Variants in CADPS2 observed in about 807,000 individuals in gnomAD.
CADPS2 encodes calcium-dependent secretion activator 2.
A neutral mutation model predicts 172.5 loss-of-function variants in CADPS2; 93 were observed. The observed-to-expected ratio is 0.54, with a 90% confidence interval of 0.46 to 0.64. The LOEUF (loss-of-function observed/expected upper bound fraction) is 0.64. CADPS2 is among the 30% of genes least tolerant of loss of function. CADPS2 has a pLI of 0.00. For synonymous variants in CADPS2, 546 were observed against 555.2 expected, an observed-to-expected ratio of 0.98 and a Z score of 0.23; for missense variants, 1,420 against 1,565.9, an observed-to-expected ratio of 0.91 and a Z score of 1.57.
Position 122,645,454 on chromosome 7 carries a change from T to A in CADPS2, c.787-16126A>T, listed in dbSNP as rs1415755854. Among the ~76,000 whole-genome samples, 12 of 100,320 alleles carry A rather than the reference T, an allele frequency of 1.2e-4. 1 individual carries two copies. Among genetic ancestry groups the A allele is most frequent in the Admixed American group, 4.2e-4 (4 of 9,632 alleles). The allele number at this position is 100,320 out of a possible 152,430, so 65.8% of individuals were successfully genotyped here. ...ATATATGTATATATACACACACATA[T>A]GTATATATGTGTATATATGTATATA... On this transcript the variant is annotated intron_variant, in intron 3 of 29. Coordinates refer to ENST00000449022, the MANE Select transcript of CADPS2 (RefSeq NM_017954.11).
At chr7:122,364,216 G>A (rs777729205) in intron 25 of CADPS2, among the ~76,000 whole-genome samples, 1 of 151,812 alleles carries the variant, frequency 6.6e-6, no homozygotes, top group Non-Finnish European at 1.5e-5. Flanking sequence ...TTCAAGACCA[G>A]CCTGGACAAC....
intron 28 of CADPS2, among the ~76,000 whole-genome samples, chr7:122,344,752 T>C (rs2037313615): frequency 6.6e-6 from 1 of 152,178 alleles, no homozygotes; most frequent in Admixed American, 6.5e-5. Flanking sequence ...AGTGAAAAGA[T>C]GCTGAACACC....
chr7:122,836,143 C>T (rs573925045), intron 1 of CADPS2, among the ~76,000 whole-genome samples: 1 of 152,030 alleles, frequency 6.6e-6, no homozygotes, highest in Non-Finnish European at 1.5e-5. Flanking sequence ...TTAAAGAAAA[C>T]AATTTTCAAC....
chr7:122,837,056 A>C (rs1418397762), intron 1 of CADPS2, among the ~76,000 whole-genome samples: 79 of 146,138 alleles, frequency 5.4e-4, no homozygotes, highest in South Asian at 1.1e-3. Flanking sequence ...AATGTAAAAG[A>C]ACATAAATTA....
chr7:122,462,851 A>G lies in CADPS2; in HGVS notation c.2186+8524T>C, dbSNP rs992217725. On this transcript the variant is annotated intron_variant, in intron 14 of 29. Coordinates refer to ENST00000449022, the MANE Select transcript of CADPS2 (RefSeq NM_017954.11). Reference sequence around the variant, plus strand: ...AGCCTTGGGCCAGGCACAGTGGCTCATACCTGTCATCCCAGCAATTTGGGA... The same window carrying G: ...AGCCTTGGGCCAGGCACAGTGGCTCGTACCTGTCATCCCAGCAATTTGGGA... 2.0e-5 allele frequency among the ~76,000 whole-genome samples: 3 copies of G among 152,320 alleles called. No homozygotes were observed. The South Asian group carries it at 6.2e-4, about 32-fold the overall frequency.
rs76073848 is a variant in CADPS2 at position 122,852,835 on chromosome 7, G to A, written c.339+33164C>T. On this transcript the variant is annotated intron_variant, in intron 1 of 29. Transcript: ENST00000449022. ...GAAGCAATCCGACTTCTGTTATAAC[G>A]GAATCCCTCTGACTACATATAGAGA... Among the ~76,000 whole-genome samples, 91 of 152,204 alleles carry A rather than the reference G, an allele frequency of 6.0e-4. 1 individual carries two copies. In the East Asian group the frequency reaches 0.015, roughly 26 times the overall value.
intron 1 of CADPS2, among the ~76,000 whole-genome samples, chr7:122,741,180 G>T (rs1201708090): frequency 6.6e-6 from 1 of 152,084 alleles, no homozygotes; most frequent in Non-Finnish European, 1.5e-5. Context: ...TCTATGTACT[G>T]ATTTTAAATA....
chr7:122,408,627 ATGT>A (rs2046954212), intron 19 of CADPS2, among the ~76,000 whole-genome samples: 1 of 152,120 alleles, frequency 6.6e-6, no homozygotes, highest in African/African-American at 2.4e-5. Context: ...GGGTTTTGCT[ATGT>A]TGGCCAGGCT....
chr7:122,546,312 G>GT (rs765785579), intron 8 of CADPS2, among the ~76,000 whole-genome samples: 8 of 152,048 alleles, frequency 5.3e-5, no homozygotes, highest in Non-Finnish European at 1.0e-4. Flanking sequence ...TATTAACAAC[G>GT]CCCCATTCAA....
chr7:122,677,111 G>A (rs1161425851), intron 2 of CADPS2, among the ~76,000 whole-genome samples: 1 of 152,194 alleles, frequency 6.6e-6, no homozygotes, highest in Non-Finnish European at 1.5e-5. Context: ...AATATGATCA[G>A]GTGTCATAAG....
In CADPS2 at chr7:122,441,575, T is replaced by C; in HGVS notation, c.2289A>G (p.Arg763=). ...SLLENQISHF[R]YCFPFGRPEG... is the part of the protein sequence containing the mutation. ...CAGGTCGTCCAAAGGGAAAACAGTATCTTTAAAAACAAAAGAAAGAACAAA... is the reference window on the plus strand; with the variant it reads ...CAGGTCGTCCAAAGGGAAAACAGTACCTTTAAAAACAAAAGAAAGAACAAA... Residue 763 remains arginine (R), a splice_region_variant and synonymous_variant, in exon 16 of 30, where the codon AGA becomes AGG. Transcript: ENST00000449022. 6.5e-7 allele frequency: 1 copy of C among 1,528,722 alleles called. No homozygotes were observed. Among genetic ancestry groups the C allele is most frequent in the Non-Finnish European group, 8.8e-7 (1 of 1,137,462 alleles). The allele number at this position is 1,528,722 out of a possible 1,614,324, so 94.7% of individuals were successfully genotyped here. A position where few individuals can be genotyped will look rare whatever the true frequency, so the allele number is the denominator to read the frequency against.
At chr7:122,579,679 C>A (rs1330129065) in intron 7 of CADPS2, among the ~76,000 whole-genome samples, 1 of 151,256 alleles carries the variant, frequency 6.6e-6, no homozygotes, top group East Asian at 1.9e-4. Context: ...AATGAAAAAC[C>A]CTGATTAATA....
At chr7:122,675,325 G>A (rs934360430) in intron 2 of CADPS2, among the ~76,000 whole-genome samples, 5 of 152,130 alleles carry the variant, frequency 3.3e-5, no homozygotes, top group Non-Finnish European at 7.4e-5. Context: ...CCCTGTTAAC[G>A]CCCTAGATGT....
At chr7:122,321,475 CT>C (rs2032500152) in intron 29 of CADPS2, among the ~76,000 whole-genome samples, 1 of 152,000 alleles carries the variant, frequency 6.6e-6, no homozygotes, top group Non-Finnish European at 1.5e-5. Context: ...GCCATGTTTA[CT>C]TTTTTCTTTT....
Position 122,825,897 on chromosome 7 carries a change from T to C in CADPS2, c.339+60102A>G, listed in dbSNP as rs555886448. On this transcript the variant is annotated intron_variant, in intron 1 of 29. Transcript: ENST00000449022. The stretch of plus-strand genomic sequence containing the variant: ...GGCCAGCCAAGGTCAAGTGGGAGCG[T>C]AGAATTCTGCTCTGGAGAGAATTTC... 1.5e-3 allele frequency among the ~76,000 whole-genome samples: 221 copies of C among 152,300 alleles called. 1 individual carries two copies. The South Asian group carries it at 0.023, about 16-fold the overall frequency.
At chr7:122,576,352 T>A (rs1418234320) in intron 7 of CADPS2, among the ~76,000 whole-genome samples, 1 of 152,182 alleles carries the variant, frequency 6.6e-6, no homozygotes, top group Non-Finnish European at 1.5e-5. Context: ...TGGCAGCATA[T>A]GTTTCCCCCT....
chr7:122,561,241 C>A (rs1180023380), intron 7 of CADPS2, among the ~76,000 whole-genome samples: 1 of 152,054 alleles, frequency 6.6e-6, no homozygotes, highest in Non-Finnish European at 1.5e-5. Flanking sequence ...TTGGAATTTA[C>A]AATATGCAAT....
Position 122,434,422 on chromosome 7 carries a change from T to A in CADPS2, c.2476+3919A>T, listed in dbSNP as rs182879217. Among the ~76,000 whole-genome samples, 242 of 152,294 alleles carry A rather than the reference T, an allele frequency of 1.6e-3. 2 individuals are homozygous for A. Among genetic ancestry groups the A allele is most frequent in the Admixed American group, 4.2e-3 (65 of 15,296 alleles). ...AAGCAAACTTGCTTATAACATTGCA[T>A]ACAAAATTTGACCAAAATGAGAAAA... On this transcript the variant is annotated intron_variant, in intron 17 of 29. Coordinates refer to ENST00000449022, the MANE Select transcript of CADPS2 (RefSeq NM_017954.11).
chr7:122,462,649 T>G (rs757696643), intron 14 of CADPS2, among the ~76,000 whole-genome samples: 1 of 152,146 alleles, frequency 6.6e-6, no homozygotes, highest in South Asian at 2.1e-4. Context: ...TACAAGAATA[T>G]AGAAAGGCTA....
Sources: allele counts gnomAD v4.1 joint callset (sites outside exome capture counted in the v4.1 genomes callset), GRCh38; gene constraint gnomAD v4.1.1; transcripts MANE v1.5; gene names NCBI Gene and HGNC (gene_info 2026-07-23, HGNC 2026-07-21).